The following EYS variants were observed in gnomAD, a reference collection of about 807,000 sequenced individuals.
EYS encodes EGF-like photoreceptor maintenance factor.
A neutral mutation model predicts 282.1 loss-of-function variants in EYS; 250 were observed. That is an observed-to-expected ratio of 0.89 (90% CI 0.80 to 0.98). The LOEUF is 0.98. EYS is among the 50% of genes least tolerant of loss of function. The pLI, the probability that EYS is intolerant of heterozygous loss-of-function variation, is 0.00. For missense variants in EYS, 4,016 were observed against 3,709.0 expected, an observed-to-expected ratio of 1.08 and a Z score of -2.15; for synonymous variants, 1,355 against 1,282.9, an observed-to-expected ratio of 1.06 and a Z score of -1.20.
intron 8 of EYS, among the ~76,000 whole-genome samples, chr6:65,383,092 G>A (rs1256033688): frequency 2.0e-5 from 3 of 152,004 alleles, no homozygotes; most frequent in East Asian, 1.9e-4. Flanking sequence ...GTCCTTTGAC[G>A]TTTCATATCA....
intron 40 of EYS, among the ~76,000 whole-genome samples, chr6:63,765,312 C>G (rs1769759129): frequency 6.6e-6 from 1 of 151,724 alleles, no homozygotes; most frequent in Non-Finnish European, 1.5e-5. Flanking sequence ...TAAAATGGGA[C>G]AAGTTCTAAA....
intron 41 of EYS, among the ~76,000 whole-genome samples, chr6:63,738,620 G>C (rs1169832304): frequency 6.7e-6 from 1 of 149,772 alleles, no homozygotes; most frequent in East Asian, 2.0e-4. Context: ...ATAGCTTTAG[G>C]AGATATACCT....
intron 22 of EYS, among the ~76,000 whole-genome samples, chr6:64,720,897 AT>A (rs983603932): frequency 1.3e-5 from 2 of 152,276 alleles, no homozygotes; most frequent in Admixed American, 1.3e-4. Flanking sequence ...AAACATCTGC[AT>A]TTTTTTATGA....
intron 31 of EYS, among the ~76,000 whole-genome samples, chr6:64,196,410 T>G (rs1317789827): frequency 2.6e-5 from 4 of 152,120 alleles, no homozygotes; most frequent in African/African-American, 9.7e-5. Context: ...ACCCAAAGGA[T>G]TATAAATCAT....
intron 29 of EYS, 80 bp from the exon 30 acceptor site, chr6:64,307,162 C>G: frequency 1.4e-6 from 1 of 709,662 alleles, no homozygotes; most frequent in South Asian, 1.8e-5. Context: ...TCAAACTGGT[C>G]AGGGTATGCA....
intron 12 of EYS, among the ~76,000 whole-genome samples, chr6:65,249,060 G>A (rs1466890905): frequency 2.8e-5 from 4 of 141,460 alleles, no homozygotes; most frequent in African/African-American, 7.9e-5. Context: ...CTATAAAACT[G>A]ACAAGTGAAA....
At chr6:64,311,881 C>A (rs1449629124) in intron 29 of EYS, among the ~76,000 whole-genome samples, 2 of 152,064 alleles carry the variant, frequency 1.3e-5, no homozygotes, top group Non-Finnish European at 2.9e-5. Flanking sequence ...AACCGGCAGA[C>A]CAGGAGACTC....
intron 15 of EYS, among the ~76,000 whole-genome samples, chr6:64,935,986 C>CA (rs922055887): frequency 5.3e-5 from 8 of 151,024 alleles, no homozygotes; most frequent in African/African-American, 1.5e-4. Context: ...AAAGATATGA[C>CA]AAAAAAAGAA....
intron 33 of EYS, among the ~76,000 whole-genome samples, chr6:64,010,009 G>C (rs942903096): frequency 2.0e-5 from 3 of 151,412 alleles, no homozygotes; most frequent in African/African-American, 7.3e-5. Context: ...AGGTTTTAGG[G>C]GGCCAGTGCT....
chr6:65,247,783 C>T (rs1397422007), intron 12 of EYS, among the ~76,000 whole-genome samples: 1 of 152,034 alleles, frequency 6.6e-6, no homozygotes, highest in Non-Finnish European at 1.5e-5. Context: ...ATAGCCTATA[C>T]ACAATTATTT....
intron 13 of EYS, among the ~76,000 whole-genome samples, chr6:65,006,503 C>CAA (rs59057058): frequency 0.53 from 43,765 of 83,204 alleles, 12,939 homozygotes; most frequent in East Asian, 0.67. Flanking sequence ...TATTCTAAGT[C>CAA]AAAAAAAAAA....
intron 37 of EYS, among the ~76,000 whole-genome samples, chr6:63,789,475 A>G (rs1025690868): frequency 7.9e-5 from 12 of 152,216 alleles, no homozygotes; most frequent in Non-Finnish European, 1.3e-4. Flanking sequence ...TCAATGATCA[A>G]CTAAAAAGTT....
chr6:64,350,025 G>C (rs1191895682), intron 29 of EYS, among the ~76,000 whole-genome samples: 2 of 151,440 alleles, frequency 1.3e-5, no homozygotes, highest in Non-Finnish European at 3.0e-5. Context: ...AGATTCTAGT[G>C]TGTTGACACT....
At chr6:63,817,278 G>A (rs1041316384) in intron 36 of EYS, among the ~76,000 whole-genome samples, 1 of 152,200 alleles carries the variant, frequency 6.6e-6, no homozygotes, top group African/African-American at 2.4e-5. Context: ...ACAGGGGATG[G>A]TGAGGCCACC....
At chr6:65,615,839 C>T (rs1047390362) in intron 2 of EYS, among the ~76,000 whole-genome samples, 6 of 151,378 alleles carry the variant, frequency 4.0e-5, no homozygotes, top group Admixed American at 6.6e-5. Flanking sequence ...GAGGCTGAGG[C>T]GAGAGAATGG....
intron 14 of EYS, among the ~76,000 whole-genome samples, chr6:64,968,943 A>C (rs1770196834): frequency 6.6e-6 from 1 of 152,206 alleles, no homozygotes. Flanking sequence ...AATTCAAGAT[A>C]TCTCTAATGA....
intron 7 of EYS, among the ~76,000 whole-genome samples, chr6:65,396,821 A>G (rs1441990760): frequency 1.3e-5 from 2 of 152,024 alleles, no homozygotes; most frequent in African/African-American, 4.8e-5. Context: ...ATGATTCAAC[A>G]ACCACACATT....
chr6:65,591,941 T>C (rs1418862301), intron 2 of EYS, among the ~76,000 whole-genome samples: 5 of 152,028 alleles, frequency 3.3e-5, no homozygotes, highest in Non-Finnish European at 1.5e-5. Flanking sequence ...TGACATATCT[T>C]GTCACAGGCA....
At chr6:63,863,866 G>T (rs961965174) in intron 36 of EYS, among the ~76,000 whole-genome samples, 3 of 151,820 alleles carry the variant, frequency 2.0e-5, no homozygotes, top group Admixed American at 2.0e-4. Flanking sequence ...AGTAGAGACG[G>T]GGTTTCACCA....
Sources: allele counts gnomAD v4.1 joint callset (sites outside exome capture counted in the v4.1 genomes callset), GRCh38; gene constraint gnomAD v4.1.1; transcripts MANE v1.5; gene names NCBI Gene and HGNC (gene_info 2026-07-23, HGNC 2026-07-21).